Variants in OXR1 observed in about 807,000 individuals in gnomAD.
The protein encoded by OXR1 is oxidation resistance 1, also known as oxidation resistance protein 1.
In OXR1, 41 loss-of-function variants were observed where a neutral mutation model predicts 104.6. The ratio of observed to expected loss-of-function variants is 0.39; its 90% confidence interval spans 0.31 to 0.51. OXR1 has a LOEUF of 0.51. OXR1 is among the 20% of genes least tolerant of loss of function. The pLI, the probability that OXR1 is intolerant of heterozygous loss-of-function variation, is 0.77. For synonymous variants in OXR1, 348 were observed against 348.4 expected, an observed-to-expected ratio of 1.00 and a Z score of 0.01; for missense variants, 955 against 1,031.9, an observed-to-expected ratio of 0.93 and a Z score of 1.02.
intron 2 of OXR1, among the ~76,000 whole-genome samples, chr8:106,418,297 A>G (rs1818761154): frequency 1.3e-5 from 2 of 152,078 alleles, no homozygotes; most frequent in South Asian, 4.1e-4. Context: ...AAGATAAGCT[A>G]TAAAAGATTC....
At chr8:106,723,446 C>T (rs919590299) in intron 11 of OXR1, among the ~76,000 whole-genome samples, 3 of 148,814 alleles carry the variant, frequency 2.0e-5, no homozygotes, top group Non-Finnish European at 4.5e-5. Context: ...TGCAGTGAGC[C>T]GAGATCGTGC....
intron 3 of OXR1, among the ~76,000 whole-genome samples, chr8:106,524,062 C>T (rs1813466653): frequency 6.6e-5 from 10 of 152,122 alleles, no homozygotes; most frequent in Non-Finnish European, 2.9e-5. Context: ...AGGCATGAAC[C>T]ACCATCCCTG....
At chr8:106,371,699 T>C (rs1816715027) in intron 2 of OXR1, among the ~76,000 whole-genome samples, 1 of 152,306 alleles carries the variant, frequency 6.6e-6, no homozygotes, top group Non-Finnish European at 1.5e-5. Flanking sequence ...TGAAATCGTG[T>C]GGTTTTCAGT....
Position 106,519,114 on chromosome 8 carries a change from C to G in OXR1, c.195C>G (p.Ser65Arg). Residue 65 changes from serine (S) to arginine (R), a missense_variant, in exon 3 of 17, where the codon AGC becomes AGG. By Grantham distance (110) the Ser-to-Arg change is moderately radical. Transcript: ENST00000517566. Reference protein sequence around the residue: ...ANTQKHPSRRSELKRFYTIDT... With the variant: ...ANTQKHPSRRRELKRFYTIDT... Reference sequence around the variant, plus strand: ...CTCAGAAACATCCTTCCAGAAGGAGCGAACTGAAGAGGTTCTACACAATTG... The same window carrying G: ...CTCAGAAACATCCTTCCAGAAGGAGGGAACTGAAGAGGTTCTACACAATTG... The G allele has an allele frequency of 6.4e-7, 1 of 1,551,182 alleles. No homozygotes were observed. Among genetic ancestry groups the G allele is most frequent in the South Asian group, 1.2e-5 (1 of 84,028 alleles).
intron 2 of OXR1, among the ~76,000 whole-genome samples, chr8:106,509,852 C>T (rs1228569798): frequency 1.3e-5 from 2 of 152,184 alleles, no homozygotes; most frequent in Non-Finnish European, 2.9e-5. Context: ...GCTCACTGAG[C>T]CTCTGCCTCC....
chr8:106,716,190 A>C (rs1020828843), intron 11 of OXR1, among the ~76,000 whole-genome samples: 1 of 152,248 alleles, frequency 6.6e-6, no homozygotes, highest in African/African-American at 2.4e-5. Context: ...ATTAAGGTCA[A>C]GTATTTCCTA....
intron 16 of OXR1, among the ~76,000 whole-genome samples, chr8:106,747,274 G>T (rs1835469472): frequency 6.6e-6 from 1 of 152,164 alleles, no homozygotes; most frequent in African/African-American, 2.4e-5. Flanking sequence ...AACCAGTTTT[G>T]TAGAGAGATT....
intron 2 of OXR1, among the ~76,000 whole-genome samples, chr8:106,373,490 T>C (rs1816789257): frequency 6.6e-6 from 1 of 152,200 alleles, no homozygotes; most frequent in Admixed American, 6.5e-5. Context: ...TAGGCATCCT[T>C]CTTGGATAAA....
intron 6 of OXR1, among the ~76,000 whole-genome samples, chr8:106,689,767 C>A (rs1829095015): frequency 6.6e-6 from 1 of 151,768 alleles, no homozygotes; most frequent in Non-Finnish European, 1.5e-5. Flanking sequence ...AAAAACGTCT[C>A]TTTTTTAATC....
At chr8:106,644,728 G>A (rs2130963516) in intron 3 of OXR1, among the ~76,000 whole-genome samples, 2 of 152,106 alleles carry the variant, frequency 1.3e-5, no homozygotes, top group South Asian at 2.1e-4. Flanking sequence ...GTGGTTGCCA[G>A]ATCTAGTCTC....
At chr8:106,427,179 T>C (rs1226986379) in intron 2 of OXR1, among the ~76,000 whole-genome samples, 1 of 152,082 alleles carries the variant, frequency 6.6e-6, no homozygotes, top group African/African-American at 2.4e-5. Flanking sequence ...ATTTATTTAT[T>C]TATTTATTTT....
intron 3 of OXR1, among the ~76,000 whole-genome samples, chr8:106,544,415 T>G (rs1815192516): frequency 1.3e-5 from 2 of 152,162 alleles, no homozygotes; most frequent in Non-Finnish European, 1.5e-5. Flanking sequence ...ATTTCAGTGT[T>G]TTCACTTTAT....
At chr8:106,630,293 G>C (rs1822560066) in intron 3 of OXR1, among the ~76,000 whole-genome samples, 3 of 152,258 alleles carry the variant, frequency 2.0e-5, no homozygotes, top group Admixed American at 2.0e-4. Flanking sequence ...AATGACATAG[G>C]TGTAAATAGG....
intron 2 of OXR1, among the ~76,000 whole-genome samples, chr8:106,432,185 G>A (rs1054688193): frequency 5.9e-5 from 9 of 151,934 alleles, no homozygotes; most frequent in Admixed American, 1.3e-4. Flanking sequence ...CTTCCTAACC[G>A]TTCTCTGCTT....
chr8:106,556,438 A>G (rs1010635543), intron 3 of OXR1, among the ~76,000 whole-genome samples: 1 of 152,144 alleles, frequency 6.6e-6, no homozygotes, highest in Admixed American at 6.5e-5. Flanking sequence ...TAAGACCTAA[A>G]TGATAAGAAG....
intron 2 of OXR1, among the ~76,000 whole-genome samples, chr8:106,369,348 AC>A (rs1816612434): frequency 6.6e-6 from 1 of 152,082 alleles, no homozygotes; most frequent in African/African-American, 2.4e-5. Context: ...ACTGTGGGTT[AC>A]CTGTTCACTT....
chr8:106,329,464 C>T (rs2130216722), intron 1 of OXR1, among the ~76,000 whole-genome samples: 1 of 151,950 alleles, frequency 6.6e-6, no homozygotes, highest in South Asian at 2.1e-4. Context: ...TCTCCTGCCT[C>T]AGCCTCCCGA....
intron 2 of OXR1, among the ~76,000 whole-genome samples, chr8:106,481,573 A>G (rs1822118766): frequency 1.3e-5 from 2 of 152,054 alleles, no homozygotes; most frequent in South Asian, 4.1e-4. Flanking sequence ...TAAGCTAGAG[A>G]GCCCGGAGGG....
At chr8:106,434,208 G>A (rs571517511) in intron 2 of OXR1, among the ~76,000 whole-genome samples, 10 of 152,174 alleles carry the variant, frequency 6.6e-5, no homozygotes, top group African/African-American at 2.4e-4. Flanking sequence ...ATGCATGCAT[G>A]TTTGTGTGAG....
Sources: gnomAD v4.1 joint callset for allele counts (sites outside exome capture counted in the v4.1 genomes callset) on GRCh38, gnomAD v4.1.1 for gene constraint, MANE v1.5 for transcripts, NCBI Gene and HGNC (gene_info 2026-07-23, HGNC 2026-07-21) for gene names.